TMEM208: variants seen among roughly 807,000 people sequenced by gnomAD.
TMEM208 encodes SRP-independent targeting 2 homolog.
Under a neutral mutation model 26.4 loss-of-function variants are expected in TMEM208, and 19 were observed. The ratio of observed to expected loss-of-function variants is 0.72; its 90% confidence interval spans 0.50 to 1.06. The LOEUF (loss-of-function observed/expected upper bound fraction) is 1.06, where lower values mean the gene tolerates loss of function less well. TMEM208 is among the 50% of genes least tolerant of loss of function. The probability of loss-of-function intolerance (pLI) is 0.00; values close to 1 mark genes in which losing one functional copy is unlikely to be tolerated. For missense variants in TMEM208, 183 were observed against 219.8 expected, an observed-to-expected ratio of 0.83 and a Z score of 1.06; for synonymous variants, 93 against 83.1, an observed-to-expected ratio of 1.12 and a Z score of -0.65.
At chr16:67,228,663 C>T (rs199501961) in intron 4 of TMEM208, 32 bp downstream of exon 4, 169 of 1,543,186 alleles carry the variant, frequency 1.1e-4, no homozygotes, top group Admixed American at 5.2e-4. Flanking sequence ...CCCAGGTGAG[C>T]GGCCCCAGGG....
chr16:67,228,860 T>C lies in TMEM208; in HGVS notation c.363T>C (p.Tyr121=), dbSNP rs1336276207. 6.8e-6 allele frequency: 11 copies of C among 1,613,884 alleles called. No homozygotes were observed. The highest frequency in any genetic ancestry group is 9.3e-6 in the Non-Finnish European group (11 of 1,179,878). Residue 121 remains tyrosine, a synonymous_variant, in exon 5 of 6, where the codon TAT becomes TAC. Coordinates refer to ENST00000304800, the MANE Select transcript of TMEM208 (RefSeq NM_014187.4). Reference sequence around the variant, plus strand: ...AGGTGCTCAGCTGCTTCTCTCTCTATGTCTGGTCCTTCTGGCTTCTGGTAT... The same window carrying C: ...AGGTGCTCAGCTGCTTCTCTCTCTACGTCTGGTCCTTCTGGCTTCTGGTAT... ...IVQVLSCFSL[Y]VWSFWLLAPG...
chr16:67,228,671 G>A, intron 4 of TMEM208, 40 bp downstream of exon 4: 1 of 1,543,266 alleles, frequency 6.5e-7, no homozygotes, highest in Non-Finnish European at 8.7e-7. Context: ...AGCGGCCCCA[G>A]GGCTGGGGCC....
chr16:67,229,215 G>A lies in TMEM208; in HGVS notation c.*102G>A. The A allele has an allele frequency of 8.1e-7, 1 of 1,230,686 alleles. No homozygotes were observed. Among genetic ancestry groups the A allele is most frequent in the African/African-American group, 1.5e-5 (1 of 65,950 alleles). The allele number at this position is 1,230,686 out of a possible 1,614,324, so 76.2% of individuals were successfully genotyped here. On this transcript the variant is annotated 3_prime_UTR_variant, in exon 6 of 6. Coordinates refer to ENST00000304800, the MANE Select transcript of TMEM208 (RefSeq NM_014187.4). ...TGAGGGTCTAGTCCAGGGGCCAAAA[G>A]CAGTCTGAGGTATTGGGTATACTTA...
chr16:67,227,277 G>T (rs1378894582), intron 1 of TMEM208, 53 bp downstream of exon 1: 7 of 1,591,306 alleles, frequency 4.4e-6, no homozygotes, highest in African/African-American at 2.7e-5. Flanking sequence ...TCCAGGGGCT[G>T]TGAGAGTGAA....
chr16:67,227,651 G>C (rs1229863872), intron 1 of TMEM208, 185 bp from the exon 2 acceptor site: 1 of 593,958 alleles, frequency 1.7e-6, no homozygotes. Context: ...TGCGGGTGCT[G>C]GAGAGATGGC....
chr16:67,229,138 A>G lies in TMEM208; in HGVS notation c.*25A>G. The G allele has an allele frequency of 6.4e-7, 1 of 1,568,406 alleles. No individual in the cohort carries two copies. Among genetic ancestry groups the G allele is most frequent in the Non-Finnish European group, 8.6e-7 (1 of 1,156,888 alleles). ...GCCATTGACATTGTGGCCACAGGCC[A>G]CTGGCCCTGGGTGGCTCTGTCAGGG... is the stretch of plus-strand genomic sequence containing the variant. On this transcript the variant is annotated 3_prime_UTR_variant, in exon 6 of 6. Coordinates refer to ENST00000304800, the MANE Select transcript of TMEM208 (RefSeq NM_014187.4).
chr16:67,229,226 T>C lies in TMEM208; in HGVS notation c.*113T>C. ...TCCAGGGGCCAAAAGCAGTCTGAGG[T>C]ATTGGGTATACTTATACTCTATAGG... On this transcript the variant is annotated 3_prime_UTR_variant, in exon 6 of 6. Transcript: ENST00000304800. The C allele has an allele frequency of 9.2e-7, 1 of 1,091,016 alleles. No individual in the cohort carries two copies. Among genetic ancestry groups the C allele is most frequent in the South Asian group, 1.6e-5 (1 of 61,986 alleles). 67.6% of individuals were successfully genotyped at this position (1,091,016 alleles called of 1,614,324 possible). A position where few individuals can be genotyped will look rare whatever the true frequency, so the allele number is the denominator to read the frequency against.
In TMEM208 at chr16:67,229,006, G is replaced by A; in HGVS notation, c.415G>A (p.Val139Met). ...APGRALYLLW[V>M]NVLGPWFTAD... The stretch of plus-strand genomic sequence containing the variant: ...AGGCCGGGCCCTTTACCTCCTGTGG[G>A]TGAATGTGCTGGGCCCCTGGTTCAC... Residue 139 changes from valine to methionine, a missense_variant, in exon 6 of 6, where the codon GTG becomes ATG. Val to Met is a conservative substitution (Grantham distance 21, BLOSUM62 1). Coordinates refer to ENST00000304800, the MANE Select transcript of TMEM208 (RefSeq NM_014187.4). 6.2e-7 allele frequency: 1 copy of A among 1,610,378 alleles called. No homozygotes were observed. The highest frequency in any genetic ancestry group is 2.2e-5 in the East Asian group (1 of 44,790).
intron 2 of TMEM208, 60 bp downstream of exon 2, chr16:67,227,991 C>A (rs967067516): frequency 7.2e-7 from 1 of 1,397,946 alleles, no homozygotes; most frequent in Non-Finnish European, 9.8e-7. Context: ...GTCCTCAGCC[C>A]TGCTTGGTGA....
At chr16:67,227,464 G>A (rs2034065258) in intron 1 of TMEM208, 1 of 587,112 alleles carries the variant, frequency 1.7e-6, no homozygotes, top group South Asian at 2.2e-5. Flanking sequence ...CCTGAGGTGG[G>A]GGTTAACCCA....
chr16:67,228,118 G>C, intron 2 of TMEM208, 187 bp downstream of exon 2: 1 of 649,946 alleles, frequency 1.5e-6, no homozygotes. Context: ...GGCGTGAGTC[G>C]TAGCTGAATT....
In TMEM208 at chr16:67,228,045, A is replaced by G; in HGVS notation, c.102+114A>G. On this transcript the variant is annotated intron_variant, in intron 2 of 5. Coordinates refer to ENST00000304800, the MANE Select transcript of TMEM208 (RefSeq NM_014187.4). ...AAAGCTCTAGAAGAGAGCTCCAGTC[A>G]AAAAGAAATGAGAGATCTGGGCACA... is the stretch of plus-strand genomic sequence containing the variant. 11 of 820,382 alleles carry G rather than the reference A, an allele frequency of 1.3e-5. No homozygotes were observed. The South Asian group carries it at 1.8e-4, about 13-fold the overall frequency. The allele number at this position is 820,382 out of a possible 1,614,324, so 50.8% of individuals were successfully genotyped here.
At chr16:67,227,443 G>A (rs962950436) in intron 1 of TMEM208, among the ~76,000 whole-genome samples, 6 of 152,212 alleles carry the variant, frequency 3.9e-5, no homozygotes, top group African/African-American at 7.2e-5. Flanking sequence ...GCAGGCCAGA[G>A]ATCTAAGTGA....
In TMEM208 at chr16:67,228,581, G is replaced by A. The variant is rs924785995; in HGVS notation, c.249G>A (p.Gly83=). 1.9e-6 allele frequency: 3 copies of A among 1,604,756 alleles called. No individual in the cohort carries two copies. The highest frequency in any genetic ancestry group is 3.4e-5 in the Admixed American group (2 of 59,438). ...CACGAGCAGCGTTCTCTGAGGATGG[G>A]GCCCTGATGGATGGTGGCATGGACC... The part of the protein sequence containing the change: ...SMARAAFSED[G]ALMDGGMDLN... The change falls in exon 4 of 6, where the codon GGG becomes GGA. Residue 83 remains glycine, a synonymous_variant. Coordinates refer to ENST00000304800, the MANE Select transcript of TMEM208 (RefSeq NM_014187.4).
chr16:67,227,352 G>A, intron 1 of TMEM208, 128 bp downstream of exon 1: 1 of 1,350,230 alleles, frequency 7.4e-7, no homozygotes, highest in Non-Finnish European at 1.0e-6. Flanking sequence ...TGGCCAGACC[G>A]TGCTAGAGCT....
In TMEM208 at chr16:67,227,183, T is replaced by G. The variant is rs750326694; in HGVS notation, c.-36T>G. ...TTAGTGATTGCGGTTTCGGTCGCTCTCCCGTGTTTCCCGGGCTGGGTATTT... is the reference window on the plus strand; with the variant it reads ...TTAGTGATTGCGGTTTCGGTCGCTCGCCCGTGTTTCCCGGGCTGGGTATTT... On this transcript the variant is annotated 5_prime_UTR_variant, in exon 1 of 6. Coordinates refer to ENST00000304800, the MANE Select transcript of TMEM208 (RefSeq NM_014187.4). 1.2e-6 allele frequency: 2 copies of G among 1,610,818 alleles called. No homozygotes were observed. Among genetic ancestry groups the G allele is most frequent in the Admixed American group, 1.7e-5 (1 of 59,744 alleles).
Position 67,227,150 on chromosome 16 carries a change from T to A in TMEM208, c.-69T>A. On this transcript the variant is annotated 5_prime_UTR_variant, in exon 1 of 6. The change abolishes an upstream ATG in the 5' untranslated region. Transcript: ENST00000304800. ...GCGCCGGAAGTGCATGAGCTGCCGATGTGGTGCTTAGTGATTGCGGTTTCG... is the reference window on the plus strand; with the variant it reads ...GCGCCGGAAGTGCATGAGCTGCCGAAGTGGTGCTTAGTGATTGCGGTTTCG... The A allele has an allele frequency of 6.2e-7, 1 of 1,601,560 alleles. No individual in the cohort carries two copies. The highest frequency in any genetic ancestry group is 1.1e-5 in the South Asian group (1 of 89,866).
At chr16:67,228,720 A>T (rs1047230669) in intron 4 of TMEM208, 77 bp from the exon 5 acceptor site, 89 of 1,550,700 alleles carry the variant, frequency 5.7e-5, no homozygotes, top group Non-Finnish European at 4.3e-5. Context: ...TAACTTGAAA[A>T]GGGTGGAAGG....
At chr16:67,228,909 A>T (rs373553754) in intron 5 of TMEM208, 28 bp downstream of exon 5, 16 of 1,613,126 alleles carry the variant, frequency 9.9e-6, no homozygotes, top group Non-Finnish European at 1.4e-5. Flanking sequence ...GCTCCCAAGA[A>T]GGGGCATCTA....
Sources: allele counts gnomAD v4.1 joint callset (sites outside exome capture counted in the v4.1 genomes callset), GRCh38; gene constraint gnomAD v4.1.1; transcripts MANE v1.5; gene names NCBI Gene and HGNC (gene_info 2026-07-23, HGNC 2026-07-21).